FANCL: variants seen among roughly 807,000 people sequenced by gnomAD.
FANCL encodes FA complementation group L, also known as E3 ubiquitin-protein ligase FANCL.
In FANCL, 69 loss-of-function variants were observed where a neutral mutation model predicts 59.4. The observed-to-expected ratio is 1.16, with a 90% CI of 0.96 to 1.42. The LOEUF (loss-of-function observed/expected upper bound fraction) is 1.42. Among genes scored for constraint, FANCL ranks in the 40% most tolerant of loss-of-function variants. The pLI, the probability that FANCL is intolerant of heterozygous loss-of-function variation, is 0.00. For missense variants in FANCL, 519 were observed against 447.2 expected (o/e 1.16, Z -1.45); for synonymous variants, 180 against 147.1 (o/e 1.22, Z -1.62).
intron 5 of FANCL, among the ~76,000 whole-genome samples, chr2:58,208,946 T>C (rs961932280): frequency 2.0e-5 from 3 of 152,210 alleles, no homozygotes; most frequent in Non-Finnish European, 4.4e-5. Context: ...AATCCCCTTA[T>C]GTGAGCCACT....
At chr2:58,234,579 A>C (rs1374205699) in intron 1 of FANCL, among the ~76,000 whole-genome samples, 1 of 151,930 alleles carries the variant, frequency 6.6e-6, no homozygotes, top group Non-Finnish European at 1.5e-5. Flanking sequence ...AGTAGAAAAA[A>C]AAATTTAAAA....
At chr2:58,168,391 G>A (rs138803206) in intron 7 of FANCL, among the ~76,000 whole-genome samples, 1,546 of 152,276 alleles carry the variant, frequency 0.01, 24 homozygotes, top group African/African-American at 0.035. Flanking sequence ...ATGAGGGACT[G>A]TGCCATGAGG....
At chr2:58,193,023 A>C (rs1334244405) in intron 7 of FANCL, among the ~76,000 whole-genome samples, 1 of 152,040 alleles carries the variant, frequency 6.6e-6, no homozygotes, top group Non-Finnish European at 1.5e-5. Flanking sequence ...AAAAATTTTA[A>C]AATACTTAAG....
chr2:58,218,495 T>C (rs1692072444), intron 5 of FANCL, among the ~76,000 whole-genome samples: 4 of 151,712 alleles, frequency 2.6e-5, no homozygotes, highest in Admixed American at 6.6e-5. Flanking sequence ...AAAATGAACG[T>C]AGGATGAAAC....
chr2:58,203,362 C>A (rs1228649090), intron 6 of FANCL, among the ~76,000 whole-genome samples: 1 of 151,674 alleles, frequency 6.6e-6, no homozygotes, highest in Non-Finnish European at 1.5e-5. Flanking sequence ...CTTTTCATCA[C>A]TACAATCTTC....
In FANCL at chr2:58,163,093, A is replaced by T. The variant is rs758712673; in HGVS notation, c.776-19T>A. 1.0e-5 allele frequency: 16 copies of T among 1,604,068 alleles called. No individual in the cohort carries two copies. The highest frequency in any genetic ancestry group is 1.4e-5 in the Non-Finnish European group (16 of 1,173,260). ...TTTACCACTTCAGATTAAAAAAAAA[A>T]AATTTAATAATTGCATGCTCTACTC... On this transcript the variant is annotated intron_variant, in intron 9 of 13. Transcript: ENST00000233741.
intron 2 of FANCL, among the ~76,000 whole-genome samples, chr2:58,231,273 G>GT (rs897935117): frequency 6.6e-6 from 1 of 152,080 alleles, no homozygotes; most frequent in Non-Finnish European, 1.5e-5. Context: ...TTCATCTGTT[G>GT]TAACTTCCAC....
At chr2:58,241,003 C>T (rs78166507) in intron 1 of FANCL, among the ~76,000 whole-genome samples, 2 of 152,342 alleles carry the variant, frequency 1.3e-5, no homozygotes, top group East Asian at 3.9e-4. Flanking sequence ...CGCTCCACGC[C>T]GCGCGCCTCC....
chr2:58,186,573 C>T (rs2105004627), intron 7 of FANCL, among the ~76,000 whole-genome samples: 1 of 152,338 alleles, frequency 6.6e-6, no homozygotes, highest in Non-Finnish European at 1.5e-5. Context: ...AAAAGTTCCT[C>T]AGAATTCCTG....
intron 1 of FANCL, among the ~76,000 whole-genome samples, chr2:58,239,151 T>C (rs974386890): frequency 7.2e-5 from 11 of 152,162 alleles, no homozygotes; most frequent in Non-Finnish European, 1.2e-4. Context: ...CAAAAGTCAA[T>C]GGACGCTAAA....
chr2:58,161,676 T>C (rs925582361), intron 11 of FANCL, 38 bp from the exon 12 acceptor site: 7 of 1,337,102 alleles, frequency 5.2e-6, no homozygotes, highest in Admixed American at 3.4e-5. Flanking sequence ...CGTATGTGTC[T>C]CACTAACTTA....
intron 7 of FANCL, among the ~76,000 whole-genome samples, chr2:58,181,104 C>T (rs1367158194): frequency 6.6e-6 from 1 of 152,032 alleles, no homozygotes; most frequent in African/African-American, 2.4e-5. Flanking sequence ...TACCGGAATG[C>T]TCACAGCAGC....
At chr2:58,185,680 TG>T (rs1385880158) in intron 7 of FANCL, among the ~76,000 whole-genome samples, 1 of 152,180 alleles carries the variant, frequency 6.6e-6, no homozygotes, top group Non-Finnish European at 1.5e-5. Flanking sequence ...TTCTTGCTCA[TG>T]TTTAATAAAT....
chr2:58,176,650 A>C (rs1401356752), intron 7 of FANCL, among the ~76,000 whole-genome samples: 1 of 152,222 alleles, frequency 6.6e-6, no homozygotes, highest in African/African-American at 2.4e-5. Context: ...TAAAGACTTA[A>C]ACGTTAGACC....
intron 5 of FANCL, among the ~76,000 whole-genome samples, chr2:58,209,871 C>T (rs896820019): frequency 7.2e-5 from 11 of 152,112 alleles, no homozygotes; most frequent in Non-Finnish European, 1.2e-4. Flanking sequence ...AACAATTATA[C>T]AAAATATCAC....
At chr2:58,185,592 C>G (rs1688321593) in intron 7 of FANCL, among the ~76,000 whole-genome samples, 1 of 152,152 alleles carries the variant, frequency 6.6e-6, no homozygotes, top group African/African-American at 2.4e-5. Context: ...TTTGGCAATG[C>G]TTGCCAATTT....
intron 6 of FANCL, among the ~76,000 whole-genome samples, chr2:58,199,998 T>C (rs1299616016): frequency 6.6e-6 from 1 of 151,842 alleles, no homozygotes; most frequent in African/African-American, 2.4e-5. Flanking sequence ...AAAGATTTAC[T>C]ATCAATATAC....
intron 13 of FANCL, 114 bp from the exon 14 acceptor site, chr2:58,159,914 T>G (rs1366543897): frequency 1.0e-5 from 16 of 1,542,130 alleles, no homozygotes; most frequent in Middle Eastern, 2.4e-4. Flanking sequence ...GGAAAACACT[T>G]CTGAAGTTTC....
intron 6 of FANCL, among the ~76,000 whole-genome samples, chr2:58,200,694 A>G (rs751986875): frequency 5.3e-5 from 8 of 151,998 alleles, no homozygotes; most frequent in Non-Finnish European, 1.0e-4. Context: ...AGTAGGATTC[A>G]GTATAGTAAA....
Sources: gnomAD v4.1 joint callset for allele counts (sites outside exome capture counted in the v4.1 genomes callset) on GRCh38, gnomAD v4.1.1 for gene constraint, MANE v1.5 for transcripts, NCBI Gene and HGNC (gene_info 2026-07-23, HGNC 2026-07-21) for gene names.